The following NTNG1 variants were observed in gnomAD, a reference collection of about 807,000 sequenced individuals.
NTNG1 encodes the protein netrin-G1.
A neutral mutation model predicts 54.0 loss-of-function variants in NTNG1; 16 were observed. That is an observed-to-expected ratio of 0.30 (90% confidence interval 0.20 to 0.45). The LOEUF is 0.45. Among genes scored for constraint, NTNG1 ranks in the 20% least tolerant of loss-of-function variants. The probability of loss-of-function intolerance (pLI) is 1.00; values close to 1 mark genes in which losing one functional copy is unlikely to be tolerated. For synonymous variants in NTNG1, 255 were observed against 263.1 expected, an observed-to-expected ratio of 0.97 and a Z score of 0.30; for missense variants, 530 against 678.7, an observed-to-expected ratio of 0.78 and a Z score of 2.43.
chr1:107,404,966 C>G (rs1398582871), intron 4 of NTNG1, among the ~76,000 whole-genome samples: 1 of 152,192 alleles, frequency 6.6e-6, no homozygotes, highest in Non-Finnish European at 1.5e-5. Context: ...GACATAGTCA[C>G]TGTTTGTTGT....
At chr1:107,248,660 A>AT (rs1662361200) in intron 2 of NTNG1, among the ~76,000 whole-genome samples, 1 of 152,180 alleles carries the variant, frequency 6.6e-6, no homozygotes, top group Non-Finnish European at 1.5e-5. Flanking sequence ...GTTACTATAC[A>AT]ACTTTCTTAT....
chr1:107,341,496 T>C (rs976939044), intron 3 of NTNG1, among the ~76,000 whole-genome samples: 5 of 152,098 alleles, frequency 3.3e-5, no homozygotes, highest in African/African-American at 1.2e-4. Context: ...TCTTGAGCCC[T>C]GGGTAATGAA....
chr1:107,346,638 CTAGTT>C (rs1669257134), intron 3 of NTNG1, among the ~76,000 whole-genome samples: 1 of 152,046 alleles, frequency 6.6e-6, no homozygotes, highest in East Asian at 1.9e-4. Context: ...TGTTCAGTAG[CTAGTT>C]TAAAAAGGAA....
At chr1:107,387,893 G>A (rs535179165) in intron 3 of NTNG1, among the ~76,000 whole-genome samples, 42 of 152,234 alleles carry the variant, frequency 2.8e-4, no homozygotes, top group Admixed American at 4.6e-4. Flanking sequence ...CTTGCCTTCC[G>A]TAATAGAGAC....
intron 7 of NTNG1, among the ~76,000 whole-genome samples, chr1:107,439,956 C>T (rs1675864940): frequency 6.6e-6 from 1 of 151,920 alleles, no homozygotes; most frequent in Non-Finnish European, 1.5e-5. Flanking sequence ...TTCCTTTCCC[C>T]TCTTCCACTG....
At chr1:107,438,917 T>A (rs1675780150) in intron 7 of NTNG1, among the ~76,000 whole-genome samples, 1 of 152,128 alleles carries the variant, frequency 6.6e-6, no homozygotes, top group Non-Finnish European at 1.5e-5. Flanking sequence ...CACATACTTG[T>A]TAGGTGGATC....
intron 7 of NTNG1, among the ~76,000 whole-genome samples, chr1:107,462,140 C>T (rs753619857): frequency 6.6e-6 from 1 of 152,160 alleles, no homozygotes; most frequent in Non-Finnish European, 1.5e-5. Flanking sequence ...AGCAAGGATG[C>T]ACTTTTTCTG....
chr1:107,233,435 C>T (rs1172704281), intron 2 of NTNG1, among the ~76,000 whole-genome samples: 1 of 152,096 alleles, frequency 6.6e-6, no homozygotes, highest in Non-Finnish European at 1.5e-5. Flanking sequence ...CAGTAAACAA[C>T]CTTGATTTTA....
intron 2 of NTNG1, among the ~76,000 whole-genome samples, chr1:107,283,078 G>T (rs1397770033): frequency 6.6e-6 from 1 of 152,008 alleles, no homozygotes; most frequent in Non-Finnish European, 1.5e-5. Context: ...CATCATTTTG[G>T]TGGTTAGGTT....
At chr1:107,260,065 C>A (rs74108682) in intron 2 of NTNG1, among the ~76,000 whole-genome samples, 2,263 of 152,230 alleles carry the variant, frequency 0.015, 55 homozygotes, top group African/African-American at 0.051. Flanking sequence ...CTCTGGAATG[C>A]ACAAGAAGAC....
intron 2 of NTNG1, among the ~76,000 whole-genome samples, chr1:107,253,245 C>T (rs1235485644): frequency 6.6e-6 from 1 of 152,134 alleles, no homozygotes. Context: ...CATTCCTGAG[C>T]CACATGTTTG....
At chr1:107,466,641 C>T (rs1677627002) in intron 7 of NTNG1, among the ~76,000 whole-genome samples, 1 of 152,198 alleles carries the variant, frequency 6.6e-6, no homozygotes, top group Admixed American at 6.5e-5. Context: ...TTAATCTAAC[C>T]TGGGTATGTC....
chr1:107,473,894 T>C (rs1327962505), intron 7 of NTNG1, among the ~76,000 whole-genome samples: 2 of 152,212 alleles, frequency 1.3e-5, no homozygotes, highest in Non-Finnish European at 2.9e-5. Flanking sequence ...ACATTAATAC[T>C]CTAACCTTAT....
At chr1:107,425,188 A>T (rs796544) in intron 5 of NTNG1, among the ~76,000 whole-genome samples, 70,849 of 140,488 alleles carry the variant, frequency 0.5, 17,123 homozygotes, top group Non-Finnish European at 0.57. Flanking sequence ...AAGTTGAATT[A>T]AAAAAAAAAA....
chr1:107,362,490 G>A (rs888572926), intron 3 of NTNG1, among the ~76,000 whole-genome samples: 3 of 152,140 alleles, frequency 2.0e-5, no homozygotes, highest in Admixed American at 6.5e-5. Context: ...TGGGGTTGCC[G>A]GATCTAAGTA....
At chr1:107,341,646 C>T (rs1668902212) in intron 3 of NTNG1, among the ~76,000 whole-genome samples, 1 of 152,076 alleles carries the variant, frequency 6.6e-6, no homozygotes, top group African/African-American at 2.4e-5. Flanking sequence ...GCTCATCCTA[C>T]AGTCCTAACA....
At chr1:107,203,487 G>A (rs186774521) in intron 2 of NTNG1, among the ~76,000 whole-genome samples, 28 of 151,236 alleles carry the variant, frequency 1.9e-4, no homozygotes, top group African/African-American at 6.8e-4. Flanking sequence ...TTGTAGATAA[G>A]CAGTTATTCT....
At chr1:107,456,802 T>G (rs942334374) in intron 7 of NTNG1, among the ~76,000 whole-genome samples, 1 of 152,208 alleles carries the variant, frequency 6.6e-6, no homozygotes, top group African/African-American at 2.4e-5. Flanking sequence ...AGTCCCCAAG[T>G]TGGATGACAT....
chr1:107,291,331 CTTTAT>C (rs990288105), intron 2 of NTNG1, among the ~76,000 whole-genome samples: 6 of 151,940 alleles, frequency 3.9e-5, no homozygotes, highest in Non-Finnish European at 5.9e-5. Flanking sequence ...GTAACCAATT[CTTTAT>C]TTTATCAGTA....
Sources: gnomAD v4.1 joint callset for allele counts (sites outside exome capture counted in the v4.1 genomes callset) on GRCh38, gnomAD v4.1.1 for gene constraint, MANE v1.5 for transcripts, NCBI Gene and HGNC (gene_info 2026-07-23, HGNC 2026-07-21) for gene names.